KCNH5: variants seen among roughly 807,000 people sequenced by gnomAD.
The protein encoded by KCNH5 is voltage-gated delayed rectifier potassium channel KCNH5.
In KCNH5, 46 loss-of-function variants were observed where a neutral mutation model predicts 96.1. That is an observed-to-expected ratio of 0.48 (90% confidence interval 0.38 to 0.61). The LOEUF is 0.61. Among genes scored for constraint, KCNH5 ranks in the 20% least tolerant of loss-of-function variants. The pLI, the probability that KCNH5 is intolerant of heterozygous loss-of-function variation, is 0.00. For synonymous variants in KCNH5, 439 were observed against 449.8 expected, an observed-to-expected ratio of 0.98 and a Z score of 0.30; for missense variants, 907 against 1,225.8, an observed-to-expected ratio of 0.74 and a Z score of 3.88.
chr14:62,783,688 AC>A (rs1343300232), intron 9 of KCNH5, among the ~76,000 whole-genome samples: 6 of 152,134 alleles, frequency 3.9e-5, no homozygotes, highest in Non-Finnish European at 8.8e-5. Context: ...ATTAATGATA[AC>A]CCTAGATTTT....
intron 8 of KCNH5, among the ~76,000 whole-genome samples, chr14:62,816,622 T>C (rs906195833): frequency 2.6e-5 from 4 of 152,028 alleles, no homozygotes; most frequent in African/African-American, 7.2e-5. Flanking sequence ...CAAAAAAGTA[T>C]AGTTATTTAA....
intron 7 of KCNH5, among the ~76,000 whole-genome samples, chr14:62,897,264 A>G (rs911216094): frequency 2.0e-5 from 3 of 152,218 alleles, no homozygotes; most frequent in Admixed American, 2.0e-4. Context: ...CCTTATTAGC[A>G]TGACTTTTAG....
At chr14:62,779,207 A>C (rs1298667458) in intron 10 of KCNH5, among the ~76,000 whole-genome samples, 1 of 152,234 alleles carries the variant, frequency 6.6e-6, no homozygotes, top group Non-Finnish European at 1.5e-5. Flanking sequence ...GCAGCAGTGT[A>C]AAATAAAGGA....
intron 7 of KCNH5, among the ~76,000 whole-genome samples, chr14:62,863,161 A>G (rs1368218901): frequency 6.6e-6 from 1 of 152,204 alleles, no homozygotes; most frequent in East Asian, 1.9e-4. Context: ...CATATCTTCT[A>G]TAAATCTAAT....
chr14:62,890,539 C>CA (rs147455504), intron 7 of KCNH5, among the ~76,000 whole-genome samples: 72,643 of 147,352 alleles, frequency 0.49, 18,006 homozygotes, highest in South Asian at 0.69. Context: ...ACTAAAAATA[C>CA]AAAAAAAAAA....
intron 7 of KCNH5, among the ~76,000 whole-genome samples, chr14:62,900,557 T>C (rs539743634): frequency 6.6e-6 from 1 of 152,280 alleles, no homozygotes; most frequent in East Asian, 1.9e-4. Context: ...AAGATGATTA[T>C]GGTACCACAT....
chr14:62,953,534 G>C (rs891848740), intron 6 of KCNH5, among the ~76,000 whole-genome samples: 1 of 152,058 alleles, frequency 6.6e-6, no homozygotes, highest in Non-Finnish European at 1.5e-5. Context: ...GTCCTAAAGG[G>C]AACCGTTTGC....
At chr14:63,034,531 C>T (rs1275641374) in intron 1 of KCNH5, among the ~76,000 whole-genome samples, 1 of 152,210 alleles carries the variant, frequency 6.6e-6, no homozygotes, top group Non-Finnish European at 1.5e-5. Flanking sequence ...ATACTTCGTA[C>T]CTTCCACAAT....
chr14:62,971,834 C>T (rs1216793680), intron 6 of KCNH5, among the ~76,000 whole-genome samples: 1 of 151,756 alleles, frequency 6.6e-6, no homozygotes, highest in Non-Finnish European at 1.5e-5. Flanking sequence ...GTCACAGACC[C>T]TACACCCTTC....
chr14:62,928,348 G>A (rs1347154526), intron 7 of KCNH5, among the ~76,000 whole-genome samples: 2 of 152,002 alleles, frequency 1.3e-5, no homozygotes, highest in East Asian at 3.9e-4. Context: ...CATTCAGTTA[G>A]GTAGATTCTT....
intron 10 of KCNH5, among the ~76,000 whole-genome samples, chr14:62,769,617 T>C (rs1885943240): frequency 6.6e-6 from 1 of 152,238 alleles, no homozygotes; most frequent in Non-Finnish European, 1.5e-5. Flanking sequence ...GAGTTAACTC[T>C]AATCGTGATT....
chr14:62,846,827 G>T (rs1595652642), intron 8 of KCNH5, among the ~76,000 whole-genome samples: 1 of 108,766 alleles, frequency 9.2e-6, no homozygotes, highest in Admixed American at 1.1e-4. Flanking sequence ...TGGAGACAGA[G>T]TCTGGCTCTG....
At chr14:62,821,893 G>C (rs1887121015) in intron 8 of KCNH5, among the ~76,000 whole-genome samples, 1 of 152,032 alleles carries the variant, frequency 6.6e-6, no homozygotes, top group African/African-American at 2.4e-5. Flanking sequence ...TGATAAAAAT[G>C]TTCCTGGAGG....
intron 8 of KCNH5, among the ~76,000 whole-genome samples, chr14:62,831,417 A>G (rs989011763): frequency 2.0e-5 from 3 of 152,200 alleles, no homozygotes; most frequent in African/African-American, 7.2e-5. Flanking sequence ...CACCATAATT[A>G]ACCTATGGAA....
At chr14:62,847,444 T>C (rs1164637661) in intron 8 of KCNH5, among the ~76,000 whole-genome samples, 1 of 152,082 alleles carries the variant, frequency 6.6e-6, no homozygotes, top group African/African-American at 2.4e-5. Flanking sequence ...ACCTAGAACT[T>C]ATGCATCTGG....
At chr14:62,733,373 T>C (rs2139926720) in intron 10 of KCNH5, among the ~76,000 whole-genome samples, 3 of 152,148 alleles carry the variant, frequency 2.0e-5, no homozygotes, top group East Asian at 3.9e-4. Context: ...CCCTCTACCA[T>C]ATAAGGATAC....
intron 7 of KCNH5, among the ~76,000 whole-genome samples, chr14:62,949,434 TTGTA>T (rs1400066815): frequency 3.0e-4 from 45 of 152,298 alleles, no homozygotes; most frequent in African/African-American, 1.1e-3. Flanking sequence ...AGCAGCTTCT[TTGTA>T]TGTATTTCCT....
intron 10 of KCNH5, 134 bp downstream of exon 10, chr14:62,779,594 G>A: frequency 1.5e-6 from 1 of 651,622 alleles, no homozygotes; most frequent in East Asian, 3.0e-5. Flanking sequence ...TAAAGAGAAG[G>A]AAAATTATGC....
At chr14:62,989,058 C>A (rs1890762939) in intron 4 of KCNH5, among the ~76,000 whole-genome samples, 1 of 151,846 alleles carries the variant, frequency 6.6e-6, no homozygotes, top group Admixed American at 6.6e-5. Flanking sequence ...TATTTCCTAG[C>A]CTTATAGATT....
Sources: gnomAD v4.1 joint callset for allele counts (sites outside exome capture counted in the v4.1 genomes callset) on GRCh38, gnomAD v4.1.1 for gene constraint, MANE v1.5 for transcripts, NCBI Gene and HGNC (gene_info 2026-07-23, HGNC 2026-07-21) for gene names.